The following TAFA1 variants were observed in gnomAD, a reference collection of about 807,000 sequenced individuals.
TAFA1 encodes chemokine-like protein TAFA-1.
Under a neutral mutation model 18.5 loss-of-function variants are expected in TAFA1, and 4 were observed. The observed-to-expected ratio is 0.22, with a 90% CI of 0.11 to 0.49. The LOEUF is 0.49. Among genes scored for constraint, TAFA1 ranks in the 20% least tolerant of loss-of-function variants. TAFA1 has a pLI of 0.98. For synonymous variants in TAFA1, 56 were observed against 55.2 expected (o/e 1.01, Z -0.06); for missense variants, 147 against 169.0 (o/e 0.87, Z 0.72).
chr3:68,544,556 G>T lies in TAFA1; in HGVS notation c.*53G>T. On this transcript the variant is annotated 3_prime_UTR_variant, in exon 5 of 5. Transcript: ENST00000478136. ...ACCAACCCTCTGGAAAATACATTTTGAGAATCTCAAACATCTCACATATAT... is the reference window on the plus strand; with the variant it reads ...ACCAACCCTCTGGAAAATACATTTTTAGAATCTCAAACATCTCACATATAT... 1 of 1,583,068 alleles carries T rather than the reference G, an allele frequency of 6.3e-7. No homozygotes were observed. Among genetic ancestry groups the T allele is most frequent in the South Asian group, 1.1e-5 (1 of 89,820 alleles).
rs1704322303 is a variant in TAFA1, at chr3:68,004,402, T to C, written c.-304T>C. 6.6e-6 allele frequency: 1 copy of C among 152,090 alleles called. No homozygotes were observed. Among genetic ancestry groups the C allele is most frequent in the African/African-American group, 2.4e-5 (1 of 41,406 alleles). The allele number at this position is 152,090 out of a possible 1,614,324, so 9.4% of individuals were successfully genotyped here. On this transcript the variant is annotated 5_prime_UTR_variant, in exon 1 of 5. Coordinates refer to ENST00000478136, the MANE Select transcript of TAFA1 (RefSeq NM_213609.4). ...CATTATCTCCCCATCACTTCAAAGG[T>C]CTCGTCAGGCAGAGGTGACGCCAGG...
intron 3 of TAFA1, among the ~76,000 whole-genome samples, chr3:68,483,465 T>C (rs1450884612): frequency 6.6e-6 from 1 of 152,216 alleles, no homozygotes; most frequent in South Asian, 2.1e-4. Flanking sequence ...ATGTGCTCAG[T>C]TGTAGCCTCT....
intron 3 of TAFA1, among the ~76,000 whole-genome samples, chr3:68,472,814 G>T (rs17047742): frequency 0.073 from 11,039 of 152,098 alleles, 1,101 homozygotes; most frequent in African/African-American, 0.21. Flanking sequence ...ACTTTTTGGA[G>T]AAGTGTCTAC....
chr3:68,069,785 A>G (rs1010038855), intron 2 of TAFA1, among the ~76,000 whole-genome samples: 1 of 152,260 alleles, frequency 6.6e-6, no homozygotes, highest in Non-Finnish European at 1.5e-5. Flanking sequence ...CATAGGGGCT[A>G]CAGGCCCCAT....
intron 3 of TAFA1, among the ~76,000 whole-genome samples, chr3:68,455,674 A>G (rs1182014562): frequency 1.3e-5 from 2 of 151,972 alleles, no homozygotes; most frequent in African/African-American, 4.8e-5. Context: ...TTTGCCATAT[A>G]CATGATCATT....
At chr3:68,032,890 A>G (rs1704968171) in intron 2 of TAFA1, among the ~76,000 whole-genome samples, 1 of 152,134 alleles carries the variant, frequency 6.6e-6, no homozygotes, top group African/African-American at 2.4e-5. Flanking sequence ...GTTCTTTTCA[A>G]TTCTTTTCAG....
At chr3:68,529,717 A>G (rs1575954677) in intron 3 of TAFA1, among the ~76,000 whole-genome samples, 1 of 152,216 alleles carries the variant, frequency 6.6e-6, no homozygotes, top group East Asian at 1.9e-4. Context: ...CAAGGGAGAG[A>G]GGAGAGGTGC....
chr3:68,065,749 T>C (rs2064667951), intron 2 of TAFA1, among the ~76,000 whole-genome samples: 1 of 140,102 alleles, frequency 7.1e-6, no homozygotes, highest in Non-Finnish European at 1.5e-5. Flanking sequence ...TGTATATATA[T>C]ATATATATAT....
intron 3 of TAFA1, among the ~76,000 whole-genome samples, chr3:68,443,649 G>A (rs999597055): frequency 6.6e-6 from 1 of 152,030 alleles, no homozygotes; most frequent in African/African-American, 2.4e-5. Context: ...GATCTCCTGA[G>A]GCTCATTCAC....
At chr3:68,412,779 G>A (rs1266866677) in intron 2 of TAFA1, among the ~76,000 whole-genome samples, 1 of 152,130 alleles carries the variant, frequency 6.6e-6, no homozygotes, top group Non-Finnish European at 1.5e-5. Context: ...TCTATCATTG[G>A]TGGACATTTG....
chr3:68,402,604 A>C (rs1288921330), intron 2 of TAFA1, among the ~76,000 whole-genome samples: 1 of 152,096 alleles, frequency 6.6e-6, no homozygotes, highest in Non-Finnish European at 1.5e-5. Flanking sequence ...TTTTCTCCTA[A>C]ATGTGTGTTT....
chr3:68,065,736 GTGTGTA>G (rs1553708649), intron 2 of TAFA1, among the ~76,000 whole-genome samples: 40 of 135,540 alleles, frequency 3.0e-4, no homozygotes, highest in East Asian at 2.2e-3. Context: ...GTATGTGTGT[GTGTGTA>G]TATATATATA....
At chr3:68,539,692 GTGGGT>G (rs2073340521) in intron 4 of TAFA1, among the ~76,000 whole-genome samples, 1 of 74,612 alleles carries the variant, frequency 1.3e-5, no homozygotes. Context: ...GGGGCATGGG[GTGGGT>G]GGGTGGGTGT....
chr3:68,442,330 C>T (rs2071398979), intron 3 of TAFA1, among the ~76,000 whole-genome samples: 1 of 152,092 alleles, frequency 6.6e-6, no homozygotes, highest in African/African-American at 2.4e-5. Context: ...GTCAAAGGGG[C>T]TAAGCTAATG....
At chr3:68,094,942 T>C (rs2065070557) in intron 2 of TAFA1, among the ~76,000 whole-genome samples, 1 of 152,192 alleles carries the variant, frequency 6.6e-6, no homozygotes, top group Non-Finnish European at 1.5e-5. Context: ...TTTCTCTGAT[T>C]AACAAGGAGT....
At chr3:68,191,688 AC>A (rs1456137285) in intron 2 of TAFA1, among the ~76,000 whole-genome samples, 1 of 151,764 alleles carries the variant, frequency 6.6e-6, no homozygotes, top group Non-Finnish European at 1.5e-5. Context: ...GGGAGATAAG[AC>A]TTTTTTAAAA....
At chr3:68,057,895 A>G (rs550521306) in intron 2 of TAFA1, among the ~76,000 whole-genome samples, 15 of 152,254 alleles carry the variant, frequency 9.9e-5, no homozygotes, top group Middle Eastern at 3.4e-3. Flanking sequence ...CAAACAATGG[A>G]TTCTCCCCTA....
intron 2 of TAFA1, among the ~76,000 whole-genome samples, chr3:68,268,337 T>C (rs1336351197): frequency 2.6e-5 from 4 of 152,108 alleles, no homozygotes; most frequent in African/African-American, 9.7e-5. Context: ...TGCTGAAACT[T>C]TGACATTTTG....
chr3:68,125,729 G>A (rs115924159), intron 2 of TAFA1, among the ~76,000 whole-genome samples: 1,726 of 152,246 alleles, frequency 0.011, 40 homozygotes, highest in African/African-American at 0.04. Flanking sequence ...CACTGCTGTG[G>A]TGGGCAGTGC....
Sources: allele counts gnomAD v4.1 joint callset (sites outside exome capture counted in the v4.1 genomes callset), GRCh38; gene constraint gnomAD v4.1.1; transcripts MANE v1.5; gene names NCBI Gene and HGNC (gene_info 2026-07-23, HGNC 2026-07-21).